The following CYFIP1 variants were observed in gnomAD, a reference collection of about 807,000 sequenced individuals.
CYFIP1 encodes cytoplasmic FMR1-interacting protein 1.
Under a neutral mutation model 163.5 loss-of-function variants are expected in CYFIP1, and 58 were observed. The ratio of observed to expected loss-of-function variants is 0.35; its 90% confidence interval spans 0.29 to 0.44. The LOEUF (loss-of-function observed/expected upper bound fraction) is 0.44, where lower values mean the gene tolerates loss of function less well. Among genes scored for constraint, CYFIP1 ranks in the 20% least tolerant of loss-of-function variants. The pLI, the probability that CYFIP1 is intolerant of heterozygous loss-of-function variation, is 1.00. For synonymous variants in CYFIP1, 663 were observed against 660.7 expected (o/e 1.00, Z -0.05); for missense variants, 1,338 against 1,653.8 (o/e 0.81, Z 3.31).
At position 22,919,198 on chromosome 15, in the gene CYFIP1, A is replaced by C. The variant is rs185402389; in HGVS notation, c.1360-340T>G. ...AAGCAGGCATGATATTACTAGAAAA[A>C]GAAGTTACAAGAGGTTGTAGTCCAA... On this transcript the variant is annotated intron_variant, in intron 13 of 30. Coordinates refer to ENST00000617928, the MANE Select transcript of CYFIP1 (RefSeq NM_014608.6). 3.7e-3 allele frequency among the ~76,000 whole-genome samples: 559 copies of C among 152,330 alleles called. 1 individual carries two copies. The highest frequency in any genetic ancestry group is 4.0e-3 in the Non-Finnish European group (274 of 68,044).
At chr15:22,879,002 G>T (rs756074320) in intron 26 of CYFIP1, among the ~76,000 whole-genome samples, 1 of 152,112 alleles carries the variant, frequency 6.6e-6, no homozygotes, top group South Asian at 2.1e-4. Context: ...TGGGCGTGGT[G>T]GTGGGCGCCT....
chr15:22,889,154 G>A (rs2060004139), intron 23 of CYFIP1, among the ~76,000 whole-genome samples: 1 of 152,164 alleles, frequency 6.6e-6, no homozygotes, highest in South Asian at 2.1e-4. Flanking sequence ...ATCTCTTACA[G>A]TGAGGTTCAA....
intron 1 of CYFIP1, among the ~76,000 whole-genome samples, chr15:22,962,265 G>A (rs898599480): frequency 5.3e-5 from 8 of 151,474 alleles, no homozygotes; most frequent in African/African-American, 9.8e-5. Context: ...TGTCAAAGAC[G>A]TGCGAACTCA....
At chr15:22,900,030 C>T (rs1353751720) in intron 22 of CYFIP1, among the ~76,000 whole-genome samples, 1 of 152,012 alleles carries the variant, frequency 6.6e-6, no homozygotes, top group South Asian at 2.1e-4. Context: ...GGTGGCAGAA[C>T]GAGACTCCGT....
intron 3 of CYFIP1, among the ~76,000 whole-genome samples, chr15:22,945,834 T>A (rs1445574385): frequency 1.3e-5 from 2 of 152,142 alleles, no homozygotes; most frequent in African/African-American, 2.4e-5. Flanking sequence ...CCGCCCACTT[T>A]GGCCTCCCAA....
At chr15:22,919,005 C>T in intron 13 of CYFIP1, 147 bp from the exon 14 acceptor site, 1 of 626,422 alleles carries the variant, frequency 1.6e-6, no homozygotes, top group South Asian at 2.1e-5. Flanking sequence ...TGCCCCAAAA[C>T]GTCTTCTCCA....
At chr15:22,939,685 T>C (rs996072476) in intron 6 of CYFIP1, among the ~76,000 whole-genome samples, 178 bp from the exon 7 acceptor site, 1 of 151,708 alleles carries the variant, frequency 6.6e-6, no homozygotes, top group Admixed American at 6.6e-5. Context: ...TCTCTGGCCC[T>C]GCACTCCAGG....
At chr15:22,969,614 T>C (rs1481051471) in intron 1 of CYFIP1, among the ~76,000 whole-genome samples, 1 of 152,022 alleles carries the variant, frequency 6.6e-6, no homozygotes, top group African/African-American at 2.4e-5. Flanking sequence ...ATATAAGACA[T>C]AAAGAGAACA....
chr15:22,910,852 T>C (rs1317032261), intron 18 of CYFIP1, 39 bp from the exon 19 acceptor site: 8 of 1,525,598 alleles, frequency 5.2e-6, no homozygotes, highest in Admixed American at 5.2e-5. Context: ...TTTGATTCCC[T>C]AAAGCAAGAT....
chr15:22,902,839 G>C (rs2060441219), intron 22 of CYFIP1, among the ~76,000 whole-genome samples: 1 of 152,196 alleles, frequency 6.6e-6, no homozygotes, highest in Non-Finnish European at 1.5e-5. Context: ...ACAGACGACA[G>C]CCACAGCAGG....
rs563913421 is a variant in CYFIP1, at chr15:22,871,283, T to C, written c.3598-1091A>G. 3.9e-4 allele frequency among the ~76,000 whole-genome samples: 59 copies of C among 152,204 alleles called. 2 individuals are homozygous for C. In the South Asian group the frequency reaches 9.3e-3, roughly 24 times the overall value. On this transcript the variant is annotated intron_variant, in intron 30 of 30. Coordinates refer to ENST00000617928, the MANE Select transcript of CYFIP1 (RefSeq NM_014608.6). ...TACTAGAAGGAAAACACACAGAATA[T>C]AGAATACATGAATTGGATAAAGAAA...
chr15:22,980,709 C>G (rs987910648), upstream of CYFIP1, among the ~76,000 whole-genome samples: 2 of 151,922 alleles, frequency 1.3e-5, no homozygotes, highest in African/African-American at 2.4e-5. Flanking sequence ...CGGGTCAGGG[C>G]GGGGGTTGGC....
intron 13 of CYFIP1, among the ~76,000 whole-genome samples, chr15:22,921,165 C>T (rs1464568408): frequency 2.0e-5 from 3 of 151,852 alleles, no homozygotes; most frequent in East Asian, 3.9e-4. Context: ...GTCAGGAGTT[C>T]GAGACCAGCC....
At chr15:22,876,724 G>A (rs1386945742) in intron 26 of CYFIP1, among the ~76,000 whole-genome samples, 5 of 151,908 alleles carry the variant, frequency 3.3e-5, no homozygotes, top group Admixed American at 3.3e-4. Flanking sequence ...CCAGCTACTC[G>A]GGAGACTGAG....
intron 11 of CYFIP1, 45 bp from the exon 12 acceptor site, chr15:22,928,073 C>G: frequency 6.9e-7 from 1 of 1,448,798 alleles, no homozygotes; most frequent in African/African-American, 1.5e-5. Flanking sequence ...GCGCCCCCAC[C>G]CAGCTCCCCC....
Position 22,879,929 on chromosome 15 carries a change from A to C in CYFIP1, c.3026T>G (p.Leu1009Arg), listed in dbSNP as rs1245461642. The C allele has an allele frequency of 6.2e-7, 1 of 1,612,566 alleles. No homozygotes were observed. ...GCCACTCACCAGGCTCTGCTCGATG[A>C]GCAGGCAGAAGAGGATGGCGTTCCC... ...EVGNAILFCL[L>R]IEQSLSLEEV... is the part of the protein sequence containing the mutation. Residue 1009 changes from leucine to arginine, a missense_variant, in exon 26 of 31, where the codon CTC (leucine) becomes CGC (arginine). Physicochemically the swap from Leu to Arg is moderately radical, Grantham distance 102. Coordinates refer to ENST00000617928, the MANE Select transcript of CYFIP1 (RefSeq NM_014608.6).
intron 13 of CYFIP1, among the ~76,000 whole-genome samples, chr15:22,923,750 C>G (rs1396310464): frequency 6.6e-6 from 1 of 151,896 alleles, no homozygotes; most frequent in African/African-American, 2.4e-5. Context: ...CAAGACCAGA[C>G]TAGGCAACAC....
chr15:22,908,826 C>T (rs1193246354), intron 21 of CYFIP1, among the ~76,000 whole-genome samples: 1 of 152,006 alleles, frequency 6.6e-6, no homozygotes. Flanking sequence ...ACCGTGCCAG[C>T]CAAAGTTAAA....
At chr15:22,912,876 G>A (rs765249869) in intron 17 of CYFIP1, among the ~76,000 whole-genome samples, 9 of 152,102 alleles carry the variant, frequency 5.9e-5, no homozygotes, top group East Asian at 1.9e-4. Flanking sequence ...AGCTGAGATC[G>A]TGCCACTACA....
Sources: gnomAD v4.1 joint callset for allele counts (sites outside exome capture counted in the v4.1 genomes callset) on GRCh38, gnomAD v4.1.1 for gene constraint, MANE v1.5 for transcripts, NCBI Gene and HGNC (gene_info 2026-07-23, HGNC 2026-07-21) for gene names.